ASB2: variants seen among roughly 807,000 people sequenced by gnomAD.
The protein encoded by ASB2 is ankyrin repeat and SOCS box containing 2, also known as ankyrin repeat and SOCS box protein 2.
Under a neutral mutation model 62.4 loss-of-function variants are expected in ASB2, and 58 were observed. The observed-to-expected ratio is 0.93, with a 90% CI of 0.75 to 1.16. The LOEUF (loss-of-function observed/expected upper bound fraction) is 1.16. Among genes scored for constraint, ASB2 ranks in the 50% most tolerant of loss-of-function variants. ASB2 has a pLI of 0.00. For missense variants in ASB2, 928 were observed against 887.9 expected, an observed-to-expected ratio of 1.05 and a Z score of -0.57; for synonymous variants, 386 against 385.3, an observed-to-expected ratio of 1.00 and a Z score of -0.02.
At chr14:93,967,374 C>T (rs1432853961) in intron 1 of ASB2, among the ~76,000 whole-genome samples, 1 of 152,184 alleles carries the variant, frequency 6.6e-6, no homozygotes, top group Non-Finnish European at 1.5e-5. Context: ...CTTTACATAC[C>T]CCACCGCCTG....
intron 3 of ASB2, among the ~76,000 whole-genome samples, chr14:93,956,294 A>G (rs146357114): frequency 6.6e-6 from 1 of 152,316 alleles, no homozygotes; most frequent in Non-Finnish European, 1.5e-5. Context: ...AATAAACAAA[A>G]CAAAGGCTGT....
At chr14:93,959,309 G>A (rs1412039361) in intron 2 of ASB2, among the ~76,000 whole-genome samples, 2 of 152,218 alleles carry the variant, frequency 1.3e-5, no homozygotes, top group African/African-American at 2.4e-5. Context: ...CACAGAGGAC[G>A]GGCTGAGATC....
At chr14:93,942,240 C>T (rs1299094238) in intron 7 of ASB2, 3 of 455,974 alleles carry the variant, frequency 6.6e-6, no homozygotes, top group Non-Finnish European at 1.3e-5. Flanking sequence ...TCAAGCGGCA[C>T]CTCATGAAGA....
At chr14:93,946,281 A>T (rs1888718242) in intron 7 of ASB2, among the ~76,000 whole-genome samples, 1 of 152,226 alleles carries the variant, frequency 6.6e-6, no homozygotes, top group Non-Finnish European at 1.5e-5. Context: ...TACCCGCAGC[A>T]CAGTGTGAGG....
At chr14:93,961,081 T>C (rs929124995) in intron 2 of ASB2, among the ~76,000 whole-genome samples, 1 of 152,186 alleles carries the variant, frequency 6.6e-6, no homozygotes, top group Non-Finnish European at 1.5e-5. Flanking sequence ...GAAGCTTGTC[T>C]GTGAAGCAGA....
In ASB2 at chr14:93,953,484, G is replaced by A. The variant is rs1889053763; in HGVS notation, c.502C>T (p.Arg168Cys). The change falls in exon 5 of 10, where the codon CGC (arginine) becomes TGC (cysteine). Residue 168 changes from arginine (R) to cysteine (C), a missense_variant. Physicochemically the swap from Arg to Cys is radical, Grantham distance 180. Coordinates refer to ENST00000555019, the MANE Select transcript of ASB2 (RefSeq NM_001202429.2). ...QRAYPGTIDQ[R>C]TLQEETAVYL... is the part of the protein sequence containing the mutation. ...ACGGCTGTTTCCTCCTGCAGGGTGC[G>A]CTGGTCGATGGTCCCTGGGTACGCT... is the stretch of plus-strand genomic sequence containing the variant. 1.9e-6 allele frequency: 3 copies of A among 1,597,700 alleles called. No homozygotes were observed. Among genetic ancestry groups the A allele is most frequent in the African/African-American group, 1.3e-5 (1 of 74,658 alleles).
At chr14:93,955,215 C>T (rs1450525947) in intron 3 of ASB2, 1 of 454,896 alleles carries the variant, frequency 2.2e-6, no homozygotes, top group Non-Finnish European at 4.4e-6. Context: ...GAAGGTGAGG[C>T]TGGAGGCAGG....
In ASB2 at chr14:93,937,811, G is replaced by A. The variant is rs765782110; in HGVS notation, c.1658C>T (p.Ala553Val). The change falls in exon 9 of 10, where the codon GCG (alanine) becomes GTG (valine). Residue 553 changes from alanine (A) to valine (V), a missense_variant. Physicochemically the swap from Ala to Val is moderately conservative, Grantham distance 64. Transcript: ENST00000555019. Reference sequence around the variant, plus strand: ...CAGGAGGACATCGATGATGGGCCCCGCCCAGCGGCTCACCTCTGGGGCAGA... The same window carrying A: ...CAGGAGGACATCGATGATGGGCCCCACCCAGCGGCTCACCTCTGGGGCAGA... ...FVSAPEVSRW[A>V]GPIIDVLLDY... 13 of 1,610,132 alleles carry A rather than the reference G, an allele frequency of 8.1e-6. No homozygotes were observed. The highest frequency in any genetic ancestry group is 1.7e-4 in the Middle Eastern group (1 of 6,050).
In ASB2 at chr14:93,949,342, A is replaced by G. The variant is rs537468129; in HGVS notation, c.880+1657T>C. Among the ~76,000 whole-genome samples the G allele has an allele frequency of 2.0e-5, 3 of 152,382 alleles. No individual in the cohort carries two copies. In the South Asian group the frequency reaches 6.2e-4, roughly 32 times the overall value. On this transcript the variant is annotated intron_variant, in intron 6 of 9. Coordinates refer to ENST00000555019, the MANE Select transcript of ASB2 (RefSeq NM_001202429.2). The stretch of plus-strand genomic sequence containing the variant: ...GAGAATCAGCTGAGGCATCTGTTTC[A>G]TGGCTCACAAGCTCTGCAGTCTCAG...
intron 8 of ASB2, among the ~76,000 whole-genome samples, chr14:93,938,496 TC>T (rs2141269615): frequency 6.6e-6 from 1 of 152,292 alleles, no homozygotes; most frequent in African/African-American, 2.4e-5. Flanking sequence ...GGCCTCGGCC[TC>T]CCAAAGTGTT....
At chr14:93,970,152 G>T (rs953760962) in intron 1 of ASB2, among the ~76,000 whole-genome samples, 7 of 152,150 alleles carry the variant, frequency 4.6e-5, no homozygotes, top group African/African-American at 1.7e-4. Context: ...TGTTTGAGGG[G>T]CTGGGGTGGG....
At position 93,957,779 on chromosome 14, in the gene ASB2, G is replaced by A. The variant is rs144093482; in HGVS notation, c.207-909C>T. On this transcript the variant is annotated intron_variant, in intron 2 of 9. Transcript: ENST00000555019. ...AGAGCCGGAAGGAGGTGGGATGGCC[G>A]CTCCACAAATCTGAGTTGGCCTGGG... 3.3e-5 allele frequency among the ~76,000 whole-genome samples: 5 copies of A among 152,258 alleles called. No individual in the cohort carries two copies. In the East Asian group the frequency reaches 5.8e-4, roughly 18 times the overall value.
At chr14:93,974,105 G>A (rs947914513) in intron 1 of ASB2, 2 of 152,100 alleles carry the variant, frequency 1.3e-5, no homozygotes, top group African/African-American at 4.8e-5. Flanking sequence ...CACCCAAATC[G>A]GCGAGGTTCT....
At chr14:93,958,450 G>C (rs1192688389) in intron 2 of ASB2, among the ~76,000 whole-genome samples, 2 of 152,002 alleles carry the variant, frequency 1.3e-5, no homozygotes, top group Admixed American at 1.3e-4. Context: ...CTGCCTTTTC[G>C]TCCTCTCTCC....
At chr14:93,974,918 C>T (rs1040002727) in intron 1 of ASB2, among the ~76,000 whole-genome samples, 1 of 152,208 alleles carries the variant, frequency 6.6e-6, no homozygotes, top group Admixed American at 6.5e-5. Context: ...CCCACCCCCG[C>T]CACCACAAGG....
At chr14:93,938,258 T>TTTTTTTTTA (rs1888349586) in intron 8 of ASB2, among the ~76,000 whole-genome samples, 2 of 113,660 alleles carry the variant, frequency 1.8e-5, no homozygotes, top group Non-Finnish European at 1.9e-5. Context: ...TTTTTTTTTT[T>TTTTTTTTTA]GAGACAGAGT....
intron 5 of ASB2, 89 bp from the exon 6 acceptor site, chr14:93,951,333 A>C: frequency 7.0e-7 from 1 of 1,432,910 alleles, no homozygotes; most frequent in Non-Finnish European, 9.4e-7. Flanking sequence ...CCATTCACTC[A>C]TCCACTCATT....
At chr14:93,964,768 TATCC>T (rs34475911) in intron 1 of ASB2, among the ~76,000 whole-genome samples, 156 bp from the exon 2 acceptor site, 1 of 150,832 alleles carries the variant, frequency 6.6e-6, no homozygotes, top group Non-Finnish European at 1.5e-5. Flanking sequence ...TCCATCTATA[TATCC>T]ATCCATCCAT....
chr14:93,934,856 T>C lies in ASB2; in HGVS notation c.1772-64A>G. On this transcript the variant is annotated intron_variant, in intron 9 of 9. Transcript: ENST00000555019. ...TTGCAATAAGCAAAGGGATTGCATC[T>C]GTGACCCCAGCCTATGGGAGGTGCC... 5.6e-6 allele frequency: 8 copies of C among 1,417,894 alleles called. No homozygotes were observed. In the South Asian group the frequency reaches 9.2e-5, roughly 16 times the overall value. 87.8% of individuals were successfully genotyped at this position (1,417,894 alleles called of 1,614,324 possible). A position where few individuals can be genotyped will look rare whatever the true frequency, so the allele number is the denominator to read the frequency against.
Sources: gnomAD v4.1 joint callset for allele counts (sites outside exome capture counted in the v4.1 genomes callset) on GRCh38, gnomAD v4.1.1 for gene constraint, MANE v1.5 for transcripts, NCBI Gene and HGNC (gene_info 2026-07-23, HGNC 2026-07-21) for gene names.